NXT2: variants seen among roughly 807,000 people sequenced by gnomAD.
NXT2 encodes the protein nuclear transport factor 2 like export factor 2.
Under a neutral mutation model 9.6 loss-of-function variants are expected in NXT2, and 1 was observed. The observed-to-expected ratio is 0.10, with a 90% CI of 0.04 to 0.49. The LOEUF is 0.49. NXT2 is among the 20% of genes least tolerant of loss of function. NXT2 has a pLI of 0.95. For synonymous variants in NXT2, 22 were observed against 35.4 expected (o/e 0.62, Z 1.34); for missense variants, 48 against 100.3 (o/e 0.48, Z 2.23).
Position 109,544,221 on chromosome X carries a change from T to C in NXT2, c.*1533T>C, listed in dbSNP as rs1933481104. ...AAAACTGTTTCTTTTCACTTAATTA[T>C]AAAACCAGTAATTCATTTACTCTTG... is the stretch of plus-strand genomic sequence containing the variant. On this transcript the variant is annotated 3_prime_UTR_variant, in exon 4 of 4. Coordinates refer to ENST00000372106, the MANE Select transcript of NXT2 (RefSeq NM_001242617.2). 8.9e-6 allele frequency: 1 copy of C among 112,862 alleles called. No individual in the cohort carries two copies. The allele number at this position is 112,862 out of a possible 1,213,427, so 9.3% of individuals were successfully genotyped here. A position where few individuals can be genotyped will look rare whatever the true frequency, so the allele number is the denominator to read the frequency against.
chrX:109,539,085 AT>A (rs1332498579), intron 2 of NXT2, among the ~76,000 whole-genome samples: 1 of 110,689 alleles, frequency 9.0e-6, no homozygotes, highest in Non-Finnish European at 1.9e-5. Flanking sequence ...ATGTGTTCTC[AT>A]TATTCAACTC....
At chrX:109,536,366 C>A (rs1252526178), upstream of NXT2, among the ~76,000 whole-genome samples, 3 of 112,480 alleles carry the variant, frequency 2.7e-5, no homozygotes, top group African/African-American at 6.5e-5. Flanking sequence ...TTTTAAAATG[C>A]CAGAATGGAG....
intron 1 of NXT2, 44 bp downstream of exon 1, chrX:109,537,065 A>G (rs1282008406): frequency 1.7e-6 from 2 of 1,186,302 alleles, no homozygotes; most frequent in Admixed American, 4.7e-5. Flanking sequence ...GCCGGACTCC[A>G]GTGGCTGAGA....
chrX:109,536,641 G>A (rs1038435604), upstream of NXT2: 2 of 263,303 alleles, frequency 7.6e-6, no homozygotes, highest in African/African-American at 5.6e-5. Context: ...CCCTGTAATT[G>A]AACACTTTCA....
intron 3 of NXT2, among the ~76,000 whole-genome samples, chrX:109,542,125 G>A (rs945057604): frequency 4.5e-5 from 5 of 111,094 alleles, no homozygotes; most frequent in Non-Finnish European, 7.5e-5. Context: ...GTAGTTCAGG[G>A]TGATTTTTTT....
At chrX:109,541,377 A>T in intron 2 of NXT2, 98 bp from the exon 3 acceptor site, 2 of 770,347 alleles carry the variant, frequency 2.6e-6, no homozygotes, top group Non-Finnish European at 3.6e-6. Context: ...ACTACAAAAA[A>T]TGTTTATATA....
Position 109,536,891 on chromosome X carries a change from C to T in NXT2, c.-116C>T, listed in dbSNP as rs1319595593. 8.4e-7 allele frequency: 1 copy of T among 1,191,492 alleles called. No individual in the cohort carries two copies. The highest frequency in any genetic ancestry group is 1.8e-5 in the South Asian group (1 of 54,341). On this transcript the variant is annotated 5_prime_UTR_variant, in exon 1 of 4. Coordinates refer to ENST00000372106, the MANE Select transcript of NXT2 (RefSeq NM_001242617.2). The stretch of plus-strand genomic sequence containing the variant: ...GAATGGGAGGGTGGAAAATTTTGTG[C>T]GTTTGGCGGGTTTCGCTCTCTTCAT...
rs191618835 is a variant in NXT2, at chrX:109,544,276, A to G, written c.*1588A>G. ...AAACTATACACTGTATTTCTGTTAT[A>G]GTAACAAAATAGAGTTATGTAGAAT... On this transcript the variant is annotated 3_prime_UTR_variant, in exon 4 of 4. Coordinates refer to ENST00000372106, the MANE Select transcript of NXT2 (RefSeq NM_001242617.2). 8.9e-6 allele frequency: 1 copy of G among 112,942 alleles called. No individual in the cohort carries two copies. Among genetic ancestry groups the G allele is most frequent in the Admixed American group, 9.4e-5 (1 of 10,623 alleles). The allele number at this position is 112,942 out of a possible 1,213,427, so 9.3% of individuals were successfully genotyped here.
At chrX:109,541,252 C>T (rs1218232701) in intron 2 of NXT2, among the ~76,000 whole-genome samples, 1 of 111,281 alleles carries the variant, frequency 9.0e-6, no homozygotes, top group Non-Finnish European at 1.9e-5. Flanking sequence ...TATTTTACTG[C>T]CTAGTTTATA....
At chrX:109,539,023 G>GC (rs898948709) in intron 2 of NXT2, among the ~76,000 whole-genome samples, 2 of 110,082 alleles carry the variant, frequency 1.8e-5, no homozygotes, top group African/African-American at 6.6e-5. Context: ...CCCTCCTCTA[G>GC]CCCCCCACCC....
At chrX:109,539,223 A>G (rs1341058928) in intron 2 of NXT2, among the ~76,000 whole-genome samples, 1 of 112,187 alleles carries the variant, frequency 8.9e-6, no homozygotes, top group African/African-American at 3.2e-5. Flanking sequence ...TTATGGCTGC[A>G]TAGTATTCCA....
Position 109,536,878 on chromosome X carries a change from G to T in NXT2, c.-129G>T. On this transcript the variant is annotated 5_prime_UTR_variant, in exon 1 of 4. Coordinates refer to ENST00000372106, the MANE Select transcript of NXT2 (RefSeq NM_001242617.2). ...TACTTCCGGGAGAGAATGGGAGGGT[G>T]GAAAATTTTGTGCGTTTGGCGGGTT... is the stretch of plus-strand genomic sequence containing the variant. 2 of 1,182,991 alleles carry T rather than the reference G, an allele frequency of 1.7e-6. No individual in the cohort carries two copies. The highest frequency in any genetic ancestry group is 1.9e-5 in the South Asian group (1 of 53,541).
rs778486799 is a variant in NXT2, at chrX:109,542,714, G to A, written c.*26G>A. The A allele has an allele frequency of 1.9e-6, 2 of 1,040,692 alleles. No homozygotes were observed. Among genetic ancestry groups the A allele is most frequent in the Non-Finnish European group, 1.3e-6 (1 of 776,054 alleles). The allele number at this position is 1,040,692 out of a possible 1,213,427, so 85.8% of individuals were successfully genotyped here. A position where few individuals can be genotyped will look rare whatever the true frequency, so the allele number is the denominator to read the frequency against. ...AGGGGCAAAAGTCCATTCTCATTTG[G>A]TCCATTAGTTCCAGCAATTGAAATT... On this transcript the variant is annotated 3_prime_UTR_variant, in exon 4 of 4. Transcript: ENST00000372106.
In NXT2 at chrX:109,542,749, T is replaced by A; in HGVS notation, c.*61T>A. The A allele has an allele frequency of 1.1e-6, 1 of 902,138 alleles. No individual in the cohort carries two copies. The highest frequency in any genetic ancestry group is 1.5e-6 in the Non-Finnish European group (1 of 652,223). 74.3% of individuals were successfully genotyped at this position (902,138 alleles called of 1,213,427 possible). A position where few individuals can be genotyped will look rare whatever the true frequency, so the allele number is the denominator to read the frequency against. ...TCCAGCAATTGAAATTTATGTGAAT[T>A]ATTTTGATTGTAGAAGCACTATAAT... On this transcript the variant is annotated 3_prime_UTR_variant, in exon 4 of 4. Coordinates refer to ENST00000372106, the MANE Select transcript of NXT2 (RefSeq NM_001242617.2).
At chrX:109,537,312 T>G (rs1933302619) in intron 1 of NXT2, 1 of 904,230 alleles carries the variant, frequency 1.1e-6, no homozygotes, top group African/African-American at 2.1e-5. Flanking sequence ...CTCGATTATC[T>G]TCCTCTCTAA....
chrX:109,537,213 C>T (rs1265320972), intron 1 of NXT2, 192 bp downstream of exon 1: 4 of 1,024,915 alleles, frequency 3.9e-6, no homozygotes, highest in Non-Finnish European at 5.0e-6. Flanking sequence ...TTAGCAGTCG[C>T]TTTCTGATCC....
chrX:109,537,047 G>T, intron 1 of NXT2, 26 bp downstream of exon 1: 3 of 1,199,459 alleles, frequency 2.5e-6, no homozygotes, highest in Non-Finnish European at 3.4e-6. Flanking sequence ...GTGGCAGGAC[G>T]GCTGGGCGCC....
intron 2 of NXT2, among the ~76,000 whole-genome samples, chrX:109,539,600 T>C (rs1933368189): frequency 9.1e-6 from 1 of 109,604 alleles, no homozygotes; most frequent in African/African-American, 3.3e-5. Context: ...ATTGTGGTTT[T>C]GATTTGCACT....
chrX:109,544,024 G>T lies in NXT2; in HGVS notation c.*1336G>T, dbSNP rs992179932. The T allele has an allele frequency of 2.7e-5, 3 of 112,647 alleles. No individual in the cohort carries two copies. The highest frequency in any genetic ancestry group is 9.4e-5 in the Admixed American group (1 of 10,589). The allele number at this position is 112,647 out of a possible 1,213,427, so 9.3% of individuals were successfully genotyped here. On this transcript the variant is annotated 3_prime_UTR_variant, in exon 4 of 4. Transcript: ENST00000372106. ...AACTCTTCTTTTTAAAAAGAAAATA[G>T]AGAATAGCAAATCTTCATGATAATC... is the stretch of plus-strand genomic sequence containing the variant.
Sources: gnomAD v4.1 joint callset for allele counts (sites outside exome capture counted in the v4.1 genomes callset) on GRCh38, gnomAD v4.1.1 for gene constraint, MANE v1.5 for transcripts, NCBI Gene and HGNC (gene_info 2026-07-23, HGNC 2026-07-21) for gene names.